ADGRA2: variants seen among roughly 807,000 people sequenced by gnomAD.
ADGRA2 encodes the protein adhesion G protein-coupled receptor A2.
A neutral mutation model predicts 98.7 loss-of-function variants in ADGRA2; 61 were observed. The observed-to-expected ratio is 0.62, with a 90% CI of 0.50 to 0.76. ADGRA2 has a LOEUF of 0.76. Ranked by LOEUF, ADGRA2 falls within the 30% of genes least tolerant of loss-of-function variation. ADGRA2 has a pLI of 0.00. For missense variants in ADGRA2, 1,712 were observed against 1,860.0 expected, an observed-to-expected ratio of 0.92 and a Z score of 1.46; for synonymous variants, 858 against 831.5, an observed-to-expected ratio of 1.03 and a Z score of -0.55.
Position 37,831,453 on chromosome 8 carries a change from G to A in ADGRA2, c.963G>A (p.Trp321Ter), listed in dbSNP as rs1805451955. ...SELTLSHIGV[W>*]ASGEWECTVS... ...TGACGCTGTCTCACATCGGCGTGTG[G>A]GCCTCAGGCGAGTGGGAGTGCACCG... Residue 321 changes from tryptophan (W) to a stop codon, truncating the protein, a stop_gained, in exon 8 of 19, where the codon TGG becomes TGA. Transcript: ENST00000412232. LOFTEE classifies it high-confidence loss of function. 6.2e-7 allele frequency: 1 copy of A among 1,612,810 alleles called. No homozygotes were observed. Among genetic ancestry groups the A allele is most frequent in the Non-Finnish European group, 8.5e-7 (1 of 1,180,014 alleles).
At chr8:37,828,640 ATTTTTT>A (rs148517222) in intron 2 of ADGRA2, among the ~76,000 whole-genome samples, 3 of 134,776 alleles carry the variant, frequency 2.2e-5, no homozygotes, top group African/African-American at 8.4e-5. Context: ...CACCTGGCTA[ATTTTTT>A]TTTTTTTTTT....
chr8:37,813,270 C>T (rs892834844), intron 1 of ADGRA2, among the ~76,000 whole-genome samples: 2 of 152,166 alleles, frequency 1.3e-5, no homozygotes, highest in African/African-American at 4.8e-5. Context: ...CCTGTCACCA[C>T]TCAGAGGCCA....
intron 2 of ADGRA2, among the ~76,000 whole-genome samples, chr8:37,815,608 G>A (rs1420864399): frequency 1.3e-5 from 2 of 149,552 alleles, no homozygotes; most frequent in South Asian, 2.1e-4. Flanking sequence ...GAGGGTTATC[G>A]AGGAGGAGCT....
rs1460990381 is a variant in ADGRA2 at position 37,797,963 on chromosome 8, C to T, written c.266+429C>T. Among the ~76,000 whole-genome samples, 2 of 152,208 alleles carry T rather than the reference C, an allele frequency of 1.3e-5. No homozygotes were observed. The highest frequency in any genetic ancestry group is 4.8e-5 in the African/African-American group (2 of 41,444). Reference sequence around the variant, plus strand: ...GGTCCTAACCACTACGGTCGCGTCCCGGACTGGGCTGGAGGAGTCTCCGGA... The same window carrying T: ...GGTCCTAACCACTACGGTCGCGTCCTGGACTGGGCTGGAGGAGTCTCCGGA... On this transcript the variant is annotated intron_variant, in intron 1 of 18. Transcript: ENST00000412232. The surrounding 1 kb of genome is among the most constrained non-coding windows in gnomAD (Gnocchi z 5.3).
intron 1 of ADGRA2, among the ~76,000 whole-genome samples, chr8:37,806,925 C>G (rs1334636248): frequency 6.6e-6 from 1 of 152,180 alleles, no homozygotes. Flanking sequence ...TCCCCCTGCT[C>G]ACCACCAAGT....
At chr8:37,835,063 G>A (rs2130032059) in intron 11 of ADGRA2, 111 bp from the exon 12 acceptor site, 1 of 708,282 alleles carries the variant, frequency 1.4e-6, no homozygotes, top group South Asian at 1.8e-5. Flanking sequence ...TGAAAAAACT[G>A]AGGATTGAAG....
At chr8:37,837,502 C>G (rs1165906806) in intron 13 of ADGRA2, among the ~76,000 whole-genome samples, 1 of 152,216 alleles carries the variant, frequency 6.6e-6, no homozygotes, top group Non-Finnish European at 1.5e-5. Context: ...GGTGGGCCAC[C>G]ACAGAGGGCT....
chr8:37,837,952 A>G lies in ADGRA2; in HGVS notation c.2259+13A>G, dbSNP rs1382731342. ...GGCCGTGCTCATGGTGGGTGTGAGGAGGGGTGACAAGTCGGGGGGGCAGGG... is the reference window on the plus strand; with the variant it reads ...GGCCGTGCTCATGGTGGGTGTGAGGGGGGGTGACAAGTCGGGGGGGCAGGG... On this transcript the variant is annotated intron_variant, in intron 14 of 18. Transcript: ENST00000412232. The G allele has an allele frequency of 2.2e-6, 3 of 1,363,842 alleles. No homozygotes were observed. The highest frequency in any genetic ancestry group is 1.9e-6 in the Non-Finnish European group (2 of 1,040,110). 84.5% of individuals were successfully genotyped at this position (1,363,842 alleles called of 1,614,324 possible).
intron 1 of ADGRA2, among the ~76,000 whole-genome samples, chr8:37,810,595 T>C (rs1171642007): frequency 6.6e-6 from 1 of 152,118 alleles, no homozygotes; most frequent in African/African-American, 2.4e-5. Flanking sequence ...ACTCCTGGGC[T>C]CAAGTGATCC....
In ADGRA2 at chr8:37,840,360, C is replaced by T. The variant is rs1805753746; in HGVS notation, c.2657+94C>T. On this transcript the variant is annotated intron_variant, in intron 17 of 18. Transcript: ENST00000412232. ...GGTGGGTGAAGGGTGAGTCTAAGGT[C>T]CCTGGGAGATCACTCTCCAAAGACG... The T allele has an allele frequency of 1.2e-5, 16 of 1,342,248 alleles. No individual in the cohort carries two copies. In the South Asian group the frequency reaches 1.9e-4, roughly 16 times the overall value. 83.1% of individuals were successfully genotyped at this position (1,342,248 alleles called of 1,614,324 possible).
At chr8:37,826,838 T>C (rs1000887349) in intron 2 of ADGRA2, among the ~76,000 whole-genome samples, 1 of 150,730 alleles carries the variant, frequency 6.6e-6, no homozygotes, top group Non-Finnish European at 1.5e-5. Flanking sequence ...ACCCCTGACC[T>C]CCTCCTCCAT....
intron 1 of ADGRA2, among the ~76,000 whole-genome samples, chr8:37,807,613 T>A (rs1484179457): frequency 6.6e-6 from 1 of 151,990 alleles, no homozygotes; most frequent in Non-Finnish European, 1.5e-5. Context: ...GAGCTCTGAT[T>A]TCGGTGGGTG....
rs182044328 is a variant in ADGRA2, at chr8:37,822,999, C to T, written c.339-5889C>T. On this transcript the variant is annotated intron_variant, in intron 2 of 18. Coordinates refer to ENST00000412232, the MANE Select transcript of ADGRA2 (RefSeq NM_032777.10). ...CTCCTCCTCCCGAGTTCAAGCGATT[C>T]TCCTGCCTCAGCCTCCTGAGTACCT... 1.4e-4 allele frequency among the ~76,000 whole-genome samples: 21 copies of T among 151,162 alleles called. No homozygotes were observed. In the East Asian group the frequency reaches 3.7e-3, roughly 27 times the overall value.
intron 1 of ADGRA2, among the ~76,000 whole-genome samples, chr8:37,808,385 G>A (rs1804737851): frequency 6.6e-6 from 1 of 152,184 alleles, no homozygotes; most frequent in African/African-American, 2.4e-5. Flanking sequence ...AGGTTGAGGA[G>A]GCGTCTGTCT....
At position 37,833,768 on chromosome 8, in the gene ADGRA2, C is replaced by T. The variant is rs753757311; in HGVS notation, c.1377C>T (p.Asp459=). Residue 459 remains aspartate (D), a synonymous_variant, in exon 10 of 19, where the codon GAC becomes GAT. Transcript: ENST00000412232. ...CAGCCGAGGCCGCTAGCTTTTCAGA[C>T]ATGATGGATGTAGTCTATGTGGCTC... is the stretch of plus-strand genomic sequence containing the variant. The part of the protein sequence containing the change: ...VYTAEAASFS[D]MMDVVYVAQM... The T allele has an allele frequency of 3.1e-6, 5 of 1,614,184 alleles. No individual in the cohort carries two copies. The Admixed American group carries it at 8.3e-5, about 27-fold the overall frequency.
chr8:37,797,563 C>A lies in ADGRA2; in HGVS notation c.266+29C>A. 3.0e-6 allele frequency: 4 copies of A among 1,332,746 alleles called. No homozygotes were observed. The highest frequency in any genetic ancestry group is 3.9e-6 in the Non-Finnish European group (4 of 1,034,218). 82.6% of individuals were successfully genotyped at this position (1,332,746 alleles called of 1,614,324 possible). ...AGTACCCTACCAGGCCAGTTCCGTC[C>A]GAGCCGGGACTGGGGACGAAGGGAG... On this transcript the variant is annotated intron_variant, in intron 1 of 18. Transcript: ENST00000412232. The surrounding 1 kb of genome is among the most constrained non-coding windows in gnomAD (Gnocchi z 5.3).
In ADGRA2 at chr8:37,839,000, G is replaced by C. The variant is rs774839068; in HGVS notation, c.2304G>C (p.Gly768=). Residue 768 remains glycine, a synonymous_variant, in exon 15 of 19, where the codon GGG becomes GGC. Transcript: ENST00000412232. ...FPREVGGAGA[G]LHPVVYPCTA... ...GGGAGGTGGGGGGCGCCGGGGCAGG[G>C]CTGCACCCCGTGGTATACCCCTGCA... 1.3e-6 allele frequency: 2 copies of C among 1,594,636 alleles called. No individual in the cohort carries two copies. The highest frequency in any genetic ancestry group is 2.3e-5 in the South Asian group (2 of 87,528).
chr8:37,809,943 T>C (rs117596643), intron 1 of ADGRA2, among the ~76,000 whole-genome samples: 4,070 of 152,188 alleles, frequency 0.027, 65 homozygotes, highest in Non-Finnish European at 0.043. Context: ...GTCCTTGCCC[T>C]CCTCTGGGGT....
In ADGRA2 at chr8:37,840,856, A is replaced by ACGCCCC; in HGVS notation, c.2747+8_2747+9insGCCCCC. 2 of 1,483,322 alleles carry ACGCCCC rather than the reference A, an allele frequency of 1.3e-6. No homozygotes were observed. The highest frequency in any genetic ancestry group is 1.9e-6 in the Non-Finnish European group (2 of 1,067,512). 91.9% of individuals were successfully genotyped at this position (1,483,322 alleles called of 1,614,324 possible). A position where few individuals can be genotyped will look rare whatever the true frequency, so the allele number is the denominator to read the frequency against. ...ACCGGGACCACAGCCCCTAGTGAGC[A>ACGCCCC]CCCCTCCCTCCCGCCCCAAGCCTAC... On this transcript the variant is annotated splice_region_variant and intron_variant, in intron 18 of 18. Coordinates refer to ENST00000412232, the MANE Select transcript of ADGRA2 (RefSeq NM_032777.10).
Sources: allele counts gnomAD v4.1 joint callset (sites outside exome capture counted in the v4.1 genomes callset), GRCh38; gene constraint gnomAD v4.1.1; non-coding constraint Gnocchi (gnomAD v3.1); transcripts MANE v1.5; gene names NCBI Gene and HGNC (gene_info 2026-07-23, HGNC 2026-07-21).